PCDH15: variants seen among roughly 807,000 people sequenced by gnomAD.
PCDH15 encodes the protein protocadherin-15.
Under a neutral mutation model 178.5 loss-of-function variants are expected in PCDH15, and 129 were observed. That is an observed-to-expected ratio of 0.72 (90% CI 0.63 to 0.84). The LOEUF is 0.84. Ranked by LOEUF, PCDH15 falls within the 40% of genes least tolerant of loss-of-function variation. PCDH15 has a pLI of 0.00. For missense variants in PCDH15, 2,230 were observed against 2,099.9 expected (o/e 1.06, Z -1.21); for synonymous variants, 800 against 732.0 (o/e 1.09, Z -1.50).
chr10:53,953,677 A>G (rs1467621334), intron 23 of PCDH15, among the ~76,000 whole-genome samples: 1 of 152,138 alleles, frequency 6.6e-6, no homozygotes, highest in East Asian at 1.9e-4. Context: ...ATGACAACCT[A>G]ATTTATTTTA....
At chr10:55,294,016 C>A (rs982448246) in intron 1 of PCDH15, among the ~76,000 whole-genome samples, 1 of 151,986 alleles carries the variant, frequency 6.6e-6, no homozygotes, top group African/African-American at 2.4e-5. Flanking sequence ...GGGCAATTTA[C>A]AAAATAAAGA....
intron 1 of PCDH15, among the ~76,000 whole-genome samples, chr10:54,754,346 T>C (rs1235403204): frequency 6.6e-6 from 1 of 152,104 alleles, no homozygotes; most frequent in Non-Finnish European, 1.5e-5. Context: ...CAATTCTCTT[T>C]GGCAAATAAA....
chr10:53,938,903 C>A lies in PCDH15; in HGVS notation c.3285G>T (p.Leu1095=), dbSNP rs374940427. The A allele has an allele frequency of 1.2e-5, 19 of 1,613,394 alleles. No individual in the cohort carries two copies. In the African/African-American group the frequency reaches 1.3e-4, roughly 11 times the overall value. ...CATAGCTTGTCCTGGTCTCATAATC[C>A]AGAGGTCCATTCACATAGATAACAC... The part of the protein sequence containing the change: ...ITGVIYVNGP[L]DYETRTSYVL... Residue 1095 remains leucine (L), a synonymous_variant, in exon 25 of 38, where the codon CTG becomes CTT. Coordinates refer to ENST00000644397, the MANE Select transcript of PCDH15 (RefSeq NM_001384140.1).
In PCDH15 at chr10:55,123,168, AT is replaced by A. The variant is rs551241942; in HGVS notation, c.-80+43407del. ...ATCCTACATTTGGTTAGTAAAATTA[AT>A]TTTCCTGTCTTATATTCTGTGTTAT... is the stretch of plus-strand genomic sequence containing the variant. On this transcript the variant is annotated intron_variant, in intron 2 of 5. Transcript: ENST00000458638. Among the ~76,000 whole-genome samples, 255 of 144,704 alleles carry A rather than the reference AT, an allele frequency of 1.8e-3. 1 individual carries two copies. The highest frequency in any genetic ancestry group is 6.1e-3 in the African/African-American group (226 of 37,204). 94.9% of individuals were successfully genotyped at this position (144,704 alleles called of 152,430 possible).
At chr10:55,449,415 TA>T (rs1178845113) in intron 2 of PCDH15, among the ~76,000 whole-genome samples, 1 of 152,030 alleles carries the variant, frequency 6.6e-6, no homozygotes, top group African/African-American at 2.4e-5. Context: ...CAACAGGCAA[TA>T]AAATACAAAG....
At chr10:54,717,967 C>T (rs375022718) in intron 1 of PCDH15, among the ~76,000 whole-genome samples, 2,891 of 132,854 alleles carry the variant, frequency 0.022, 257 homozygotes, top group African/African-American at 0.063. Context: ...TGTAGGGACA[C>T]GGATGAAATT....
intron 2 of PCDH15, among the ~76,000 whole-genome samples, chr10:54,561,824 A>G (rs2088203185): frequency 6.6e-6 from 1 of 151,570 alleles, no homozygotes; most frequent in Non-Finnish European, 1.5e-5. Context: ...AATGAAAACT[A>G]TCAATGGTAA....
chr10:54,319,939 C>T (rs542422223), intron 7 of PCDH15, among the ~76,000 whole-genome samples: 6 of 152,160 alleles, frequency 3.9e-5, no homozygotes, highest in African/African-American at 1.2e-4. Flanking sequence ...GTCAGTACAA[C>T]CTTGTCTAGA....
intron 3 of PCDH15, among the ~76,000 whole-genome samples, chr10:54,503,015 C>A (rs1355724950): frequency 6.6e-6 from 1 of 151,658 alleles, no homozygotes; most frequent in Non-Finnish European, 1.5e-5. Context: ...TTGTCTAATA[C>A]ATATATGTAA....
At chr10:54,863,772 T>C (rs190290195) in intron 3 of PCDH15, among the ~76,000 whole-genome samples, 1 of 152,260 alleles carries the variant, frequency 6.6e-6, no homozygotes, top group East Asian at 1.9e-4. Context: ...AGGGTTAAAG[T>C]TGATATTAAA....
Position 53,957,773 on chromosome 10 carries a change from TAGCA to T in PCDH15, c.3122+1955_3122+1958del, listed in dbSNP as rs539210743. Among the ~76,000 whole-genome samples the T allele has an allele frequency of 2.1e-3, 319 of 152,112 alleles. 2 individuals carry two copies. Among genetic ancestry groups the T allele is most frequent in the African/African-American group, 7.2e-3 (300 of 41,506 alleles). On this transcript the variant is annotated intron_variant, in intron 23 of 37. Coordinates refer to ENST00000644397, the MANE Select transcript of PCDH15 (RefSeq NM_001384140.1). ...ATAAGGAGGGGACTACTGTATTCCA[TAGCA>T]AAGAATTGGAATCCAATCCAAAGGA...
intron 25 of PCDH15, among the ~76,000 whole-genome samples, chr10:53,917,272 GC>G (rs1429939625): frequency 6.6e-6 from 1 of 152,032 alleles, no homozygotes; most frequent in Non-Finnish European, 1.5e-5. Flanking sequence ...GATAATACAA[GC>G]CGAATAGGAA....
intron 6 of PCDH15, among the ~76,000 whole-genome samples, chr10:54,343,237 G>A (rs1257502764): frequency 6.6e-6 from 1 of 152,066 alleles, no homozygotes; most frequent in Non-Finnish European, 1.5e-5. Context: ...TGACCTGGTG[G>A]GAGGTGACTG....
chr10:54,231,443 G>T (rs1260836695), intron 9 of PCDH15, among the ~76,000 whole-genome samples: 2 of 152,252 alleles, frequency 1.3e-5, no homozygotes, highest in African/African-American at 4.8e-5. Context: ...TGCAGGGGTG[G>T]AGCCCTCATG....
At chr10:54,581,253 T>C (rs553554209) in intron 2 of PCDH15, among the ~76,000 whole-genome samples, 1 of 152,106 alleles carries the variant, frequency 6.6e-6, no homozygotes, top group Non-Finnish European at 1.5e-5. Flanking sequence ...AGTTTCAGAA[T>C]AAAAATTCAA....
At chr10:54,500,756 G>A (rs2137407366) in intron 3 of PCDH15, among the ~76,000 whole-genome samples, 1 of 152,208 alleles carries the variant, frequency 6.6e-6, no homozygotes, top group South Asian at 2.1e-4. Context: ...CTTGAACCCA[G>A]GCAAGAGAGG....
chr10:54,192,630 A>C (rs1449403256), intron 11 of PCDH15, among the ~76,000 whole-genome samples: 1 of 152,102 alleles, frequency 6.6e-6, no homozygotes, highest in African/African-American at 2.4e-5. Flanking sequence ...GAGCTTATTT[A>C]TATTTTATAT....
intron 3 of PCDH15, among the ~76,000 whole-genome samples, chr10:54,815,937 G>C (rs968896625): frequency 6.6e-6 from 1 of 152,044 alleles, no homozygotes; most frequent in African/African-American, 2.4e-5. Flanking sequence ...AACATGCAAA[G>C]TATGTATGTT....
chr10:54,117,512 T>C (rs554020370), intron 15 of PCDH15, among the ~76,000 whole-genome samples: 1 of 152,300 alleles, frequency 6.6e-6, no homozygotes, highest in East Asian at 1.9e-4. Flanking sequence ...GTTTCCGTCC[T>C]GTTTGTGTTA....
Sources: allele counts gnomAD v4.1 joint callset (sites outside exome capture counted in the v4.1 genomes callset), GRCh38; gene constraint gnomAD v4.1.1; transcripts MANE v1.5; gene names NCBI Gene and HGNC (gene_info 2026-07-23, HGNC 2026-07-21).